Variants in RASSF3 observed in about 807,000 individuals in gnomAD.
RASSF3 encodes Ras association domain family member 3.
A neutral mutation model predicts 19.9 loss-of-function variants in RASSF3; 19 were observed. That is an observed-to-expected ratio of 0.96 (90% confidence interval 0.67 to 1.40). RASSF3 has a LOEUF of 1.40. Ranked by LOEUF, RASSF3 falls within the 40% of genes most tolerant of loss-of-function variation. The pLI, the probability that RASSF3 is intolerant of heterozygous loss-of-function variation, is 0.00. For synonymous variants in RASSF3, 110 were observed against 104.2 expected (o/e 1.06, Z -0.34); for missense variants, 306 against 289.8 (o/e 1.06, Z -0.41).
At chr12:64,671,305 C>T (rs1005468785) in intron 1 of RASSF3, among the ~76,000 whole-genome samples, 18 of 152,284 alleles carry the variant, frequency 1.2e-4, no homozygotes, top group Admixed American at 6.5e-4. Context: ...TCCTGGGTCA[C>T]CCCAGCAGGG....
chr12:64,685,562 A>G (rs1873317184), intron 2 of RASSF3, among the ~76,000 whole-genome samples: 2 of 152,152 alleles, frequency 1.3e-5, no homozygotes, highest in African/African-American at 2.4e-5. Context: ...TACAAAATAA[A>G]TATGGAAGTG....
intron 2 of RASSF3, among the ~76,000 whole-genome samples, chr12:64,685,996 G>A (rs78046054): frequency 0.017 from 2,515 of 152,228 alleles, 74 homozygotes; most frequent in African/African-American, 0.056. Context: ...AGGCCCTACC[G>A]AATCGGTGAT....
chr12:64,521,620 G>T (rs1167549075), intron 1 of RASSF3, among the ~76,000 whole-genome samples: 3 of 152,190 alleles, frequency 2.0e-5, no homozygotes, highest in African/African-American at 7.2e-5. Flanking sequence ...CAGGTATCAG[G>T]ATTGTTGGTA....
intron 2 of RASSF3, among the ~76,000 whole-genome samples, chr12:64,590,391 A>G (rs1313735242): frequency 6.6e-6 from 1 of 152,194 alleles, no homozygotes; most frequent in African/African-American, 2.4e-5. Context: ...ACTGTGTTCT[A>G]CCATGTTTAC....
chr12:64,508,100 C>T (rs1868302844), intron 1 of RASSF3, among the ~76,000 whole-genome samples: 2 of 152,120 alleles, frequency 1.3e-5, no homozygotes, highest in African/African-American at 4.8e-5. Context: ...TCTTTCACAC[C>T]CATGTAGCTC....
chr12:64,558,973 C>T (rs1233370464), intron 2 of RASSF3, among the ~76,000 whole-genome samples: 1 of 152,206 alleles, frequency 6.6e-6, no homozygotes, highest in African/African-American at 2.4e-5. Context: ...TACTGTCTCA[C>T]AGCTCCCTTC....
chr12:64,561,987 G>GTATT (rs71092982), intron 2 of RASSF3, among the ~76,000 whole-genome samples: 13,583 of 135,338 alleles, frequency 0.1, 882 homozygotes, highest in African/African-American at 0.16. Flanking sequence ...ATGGCCCATA[G>GTATT]TATTTATTTA....
downstream of RASSF3, among the ~76,000 whole-genome samples, chr12:64,543,458 CG>C (rs1868986901): frequency 5.2e-5 from 5 of 96,646 alleles, no homozygotes; most frequent in Non-Finnish European, 8.9e-5. Context: ...GCCCGCCCCC[CG>C]CTCCCCACCC....
intron 1 of RASSF3, among the ~76,000 whole-genome samples, chr12:64,528,191 T>C (rs1868631152): frequency 6.6e-6 from 1 of 152,148 alleles, no homozygotes; most frequent in Non-Finnish European, 1.5e-5. Context: ...GAGGATCACT[T>C]GAGCCCAGGA....
In RASSF3 at chr12:64,639,206, A is replaced by G. The variant is rs146793597; in HGVS notation, c.111+28463A>G. On this transcript the variant is annotated intron_variant, in intron 1 of 4. Transcript: ENST00000542104. ...ACTTGTGGTTTAGGGGGTAAATGGA[A>G]TATACACAATAAGAAATATTTACTG... Among the ~76,000 whole-genome samples, 386 of 152,292 alleles carry G rather than the reference A, an allele frequency of 2.5e-3. 1 individual carries two copies. The highest frequency in any genetic ancestry group is 8.9e-3 in the African/African-American group (369 of 41,556).
intron 1 of RASSF3, among the ~76,000 whole-genome samples, chr12:64,518,777 T>C (rs1482076595): frequency 6.6e-6 from 1 of 152,220 alleles, no homozygotes; most frequent in African/African-American, 2.4e-5. Flanking sequence ...TCCAGACTTA[T>C]TCGAATGTAA....
rs1263875527 is a variant in RASSF3 at position 64,695,088 on chromosome 12, T to C, written c.*176T>C. On this transcript the variant is annotated 3_prime_UTR_variant, in exon 5 of 5. Transcript: ENST00000542104. Reference sequence around the variant, plus strand: ...CAGCATCCTGCACCTTAGCGTCCCATGTAAGGGACTCTGCAAGCTTGTTGT... The same window carrying C: ...CAGCATCCTGCACCTTAGCGTCCCACGTAAGGGACTCTGCAAGCTTGTTGT... 3.2e-6 allele frequency: 2 copies of C among 621,636 alleles called. No homozygotes were observed. Among genetic ancestry groups the C allele is most frequent in the Non-Finnish European group, 5.5e-6 (2 of 366,602 alleles). The allele number at this position is 621,636 out of a possible 1,614,324, so 38.5% of individuals were successfully genotyped here.
chr12:64,540,657 G>C (rs769645700), intron 1 of RASSF3, among the ~76,000 whole-genome samples: 4 of 152,176 alleles, frequency 2.6e-5, no homozygotes, highest in Non-Finnish European at 5.9e-5. Context: ...TATGAATTTT[G>C]AATATTTGAT....
intron 3 of RASSF3, among the ~76,000 whole-genome samples, chr12:64,690,011 G>C (rs1190143893): frequency 1.3e-5 from 2 of 151,488 alleles, no homozygotes; most frequent in African/African-American, 2.4e-5. Context: ...GGATGGTCTC[G>C]ATCTCCTGAC....
intron 2 of RASSF3, among the ~76,000 whole-genome samples, chr12:64,550,834 G>GAAAAAA (rs761807385): frequency 4.8e-5 from 6 of 125,754 alleles, no homozygotes; most frequent in African/African-American, 1.8e-4. Context: ...AAAAAAAAAA[G>GAAAAAA]AAAGAAAGAA....
At chr12:64,594,011 C>CAAAAAA in intron 2 of RASSF3, among the ~76,000 whole-genome samples, 1 of 45,974 alleles carries the variant, frequency 2.2e-5, no homozygotes, top group Non-Finnish European at 3.8e-5. Flanking sequence ...GACTCTGTCT[C>CAAAAAA]AAAAAAAAAA....
At chr12:64,660,084 A>ATGTGTGTATG (rs1172154788) in intron 1 of RASSF3, among the ~76,000 whole-genome samples, 3 of 151,642 alleles carry the variant, frequency 2.0e-5, no homozygotes, top group Non-Finnish European at 2.9e-5. Flanking sequence ...ATGTATATAT[A>ATGTGTGTATG]TATACACATA....
At chr12:64,649,950 T>C (rs1298435025) in intron 1 of RASSF3, among the ~76,000 whole-genome samples, 1 of 152,258 alleles carries the variant, frequency 6.6e-6, no homozygotes, top group Admixed American at 6.5e-5. Flanking sequence ...ACATCCCCAG[T>C]ATGCTCTTGT....
chr12:64,655,995 C>A (rs1478238868), intron 1 of RASSF3, among the ~76,000 whole-genome samples: 1 of 149,562 alleles, frequency 6.7e-6, no homozygotes, highest in Non-Finnish European at 1.5e-5. Context: ...CCACTGTACT[C>A]CAGCTTGGGC....
Sources: gnomAD v4.1 joint callset for allele counts (sites outside exome capture counted in the v4.1 genomes callset) on GRCh38, gnomAD v4.1.1 for gene constraint, MANE v1.5 for transcripts, NCBI Gene and HGNC (gene_info 2026-07-23, HGNC 2026-07-21) for gene names.